ATXN7L2: variants seen among roughly 807,000 people sequenced by gnomAD.
The protein encoded by ATXN7L2 is ataxin 7 like 2, also known as ataxin-7-like protein 2.
A neutral mutation model predicts 59.6 loss-of-function variants in ATXN7L2; 17 were observed. The observed-to-expected ratio is 0.29, with a 90% CI of 0.20 to 0.43. The LOEUF (loss-of-function observed/expected upper bound fraction) is 0.43. ATXN7L2 is among the 20% of genes least tolerant of loss of function. The pLI, the probability that ATXN7L2 is intolerant of heterozygous loss-of-function variation, is 1.00. For synonymous variants in ATXN7L2, 378 were observed against 392.5 expected (o/e 0.96, Z 0.44); for missense variants, 858 against 1,008.9 (o/e 0.85, Z 2.03).
rs775441960 is a variant in ATXN7L2, at chr1:109,491,065, C to A, written c.1598C>A (p.Thr533Asn). 1 of 1,613,708 alleles carries A rather than the reference C, an allele frequency of 6.2e-7. No individual in the cohort carries two copies. The highest frequency in any genetic ancestry group is 1.1e-5 in the South Asian group (1 of 91,074). ...GCCTGCCCAGCCTCCATGCCCCCCA[C>A]CAAGGACAACCTTGTCCCCAGCTAC... ...RPACPASMPP[T>N]KDNLVPSYPA... The change falls in exon 10 of 11, where the codon ACC (threonine) becomes AAC (asparagine). Residue 533 changes from threonine (T) to asparagine (N), a missense_variant. Transcript: ENST00000683729. This position sits in a 1 kb window ranked among gnomAD's most constrained non-coding sequence, Gnocchi z 4.1.
Position 109,487,705 on chromosome 1 carries a change from A to G in ATXN7L2, c.697A>G (p.Ile233Val), listed in dbSNP as rs1557869583. 1 of 1,613,584 alleles carries G rather than the reference A, an allele frequency of 6.2e-7. No homozygotes were observed. Among genetic ancestry groups the G allele is most frequent in the Non-Finnish European group, 8.5e-7 (1 of 1,179,802 alleles). ...TCCTGGCAGAGAGAACATCGAGATCATCCCCAGTGAGGGGTCCAGTCACTG... is the reference window on the plus strand; with the variant it reads ...TCCTGGCAGAGAGAACATCGAGATCGTCCCCAGTGAGGGGTCCAGTCACTG... ...EPPGRENIEI[I>V]PSEGSSHWAE... is the part of the protein sequence containing the mutation. Residue 233 changes from isoleucine to valine, a missense_variant, in exon 5 of 11, where the codon ATC becomes GTC. This residue lies in a region of ATXN7L2 where 734 missense variants were observed against 862.3 expected (regional missense o/e 0.85). Transcript: ENST00000683729.
Position 109,483,913 on chromosome 1 carries a change from C to CGCG in ATXN7L2, c.-31_-29dup, listed in dbSNP as rs1656365586. ...CGACGGGGCGAGGGGGAGGGGGCCGCGCGGCGGCGGCGCCAGGGCGGGCGC... is the reference window on the plus strand; with the variant it reads ...CGACGGGGCGAGGGGGAGGGGGCCGCGCGGCGGCGGCGGCGCCAGGGCGGGCGC... On this transcript the variant is annotated 5_prime_UTR_variant, in exon 1 of 11. Transcript: ENST00000683729. The CGCG allele has an allele frequency of 2.6e-6, 3 of 1,161,130 alleles. No individual in the cohort carries two copies. The highest frequency in any genetic ancestry group is 4.7e-5 in the Admixed American group (1 of 21,090). The allele number at this position is 1,161,130 out of a possible 1,614,324, so 71.9% of individuals were successfully genotyped here. A position where few individuals can be genotyped will look rare whatever the true frequency, so the allele number is the denominator to read the frequency against.
In ATXN7L2 at chr1:109,489,941, C is replaced by T; in HGVS notation, c.1145C>T (p.Ser382Phe). The T allele has an allele frequency of 6.2e-7, 1 of 1,613,628 alleles. No homozygotes were observed. ...TTTGGCCCTTCCAGGTCCCGGGCCT[C>T]CTCCGAGAGTGAATTGGATGATGAA... ...PYCALPRSRA[S>F]SESELDDEGP... Residue 382 changes from serine to phenylalanine, a missense_variant, in exon 8 of 11, where the codon TCC becomes TTC. Around this residue, in one of 3 missense-constraint regions of ATXN7L2, gnomAD observed 734 missense variants for 862.3 expected, o/e 0.85. Coordinates refer to ENST00000683729, the MANE Select transcript of ATXN7L2 (RefSeq NM_001350175.2).
Position 109,487,215 on chromosome 1 carries a change from C to G in ATXN7L2, c.507C>G (p.Leu169=). ...CTGAGAAGACCCAGAAGGACAACCT[C>G]TGGTAAGGAGAGGCTGGAAACTTTC... ...QPPEKTQKDN[L]CLFVPVVNLE... is the part of the protein sequence containing the mutation. The change falls in exon 4 of 11, where the codon CTC becomes CTG. Residue 169 remains leucine (L), a splice_region_variant and synonymous_variant. Transcript: ENST00000683729. 6.5e-7 allele frequency: 1 copy of G among 1,542,008 alleles called. No homozygotes were observed. The highest frequency in any genetic ancestry group is 8.7e-7 in the Non-Finnish European group (1 of 1,142,908).
rs1397786764 is a variant in ATXN7L2 at position 109,490,033 on chromosome 1, G to T, written c.1237G>T (p.Ala413Ser). ...CCCCATGCCCCGGGGTGGGACCCAG[G>T]CCTCCAGCGAAGAGAGTGAGGAGGA... is the stretch of plus-strand genomic sequence containing the variant. ...PFPMPRGGTQASSEESEEEGT... is the reference protein window; with the variant it reads ...PFPMPRGGTQSSSEESEEEGT... The change falls in exon 8 of 11, where the codon GCC becomes TCC. Residue 413 changes from alanine to serine, a missense_variant. By Grantham distance (99) the Ala-to-Ser change is moderately conservative. Coordinates refer to ENST00000683729, the MANE Select transcript of ATXN7L2 (RefSeq NM_001350175.2). 6.2e-7 allele frequency: 1 copy of T among 1,612,432 alleles called. No homozygotes were observed. The highest frequency in any genetic ancestry group is 8.5e-7 in the Non-Finnish European group (1 of 1,179,342).
At chr1:109,490,528 T>C in intron 9 of ATXN7L2, 136 bp downstream of exon 9, 2 of 1,292,560 alleles carry the variant, frequency 1.5e-6, no homozygotes, top group Non-Finnish European at 2.1e-6. Flanking sequence ...GGACCCCAGA[T>C]AGGGAGTAGC....
intron 9 of ATXN7L2, 64 bp downstream of exon 9, chr1:109,490,456 G>A: frequency 6.3e-7 from 1 of 1,579,380 alleles, no homozygotes; most frequent in Non-Finnish European, 8.6e-7. Context: ...AGACATACTT[G>A]GGCTTCAGAA....
intron 1 of ATXN7L2, 22 bp downstream of exon 1, chr1:109,484,102 T>C: frequency 6.7e-7 from 1 of 1,485,572 alleles, no homozygotes; most frequent in Non-Finnish European, 9.0e-7. Context: ...CACCCTAAAG[T>C]CCGGGGACCC....
chr1:109,491,256 G>T lies in ATXN7L2; in HGVS notation c.1789G>T (p.Val597Leu). 1.9e-6 allele frequency: 3 copies of T among 1,614,248 alleles called. No individual in the cohort carries two copies. Among genetic ancestry groups the T allele is most frequent in the Non-Finnish European group, 2.5e-6 (3 of 1,180,058 alleles). The change falls in exon 10 of 11, where the codon GTG becomes TTG. Residue 597 changes from valine (V) to leucine (L), a missense_variant. Physicochemically the swap from Val to Leu is conservative, Grantham distance 32. This residue lies in a region of ATXN7L2 where 734 missense variants were observed against 862.3 expected (regional missense o/e 0.85). Coordinates refer to ENST00000683729, the MANE Select transcript of ATXN7L2 (RefSeq NM_001350175.2). This position sits in a 1 kb window ranked among gnomAD's most constrained non-coding sequence, Gnocchi z 4.1. ...KSSKGKDGVE[V>L]EAPSRKRKLS... ...ATCCAAAGGCAAGGACGGGGTGGAG[G>T]TGGAGGCCCCTTCTCGAAAGCGGAA...
At position 109,490,945 on chromosome 1, in the gene ATXN7L2, C is replaced by T. The variant is rs780796497; in HGVS notation, c.1478C>T (p.Pro493Leu). ...AGGAAGATCCCACCGGCAGCTGAAC[C>T]TCCAGCTCACCTTGTCAACTCCCCG... ...MWKKIPPAAE[P>L]PAHLVNSPLS... The change falls in exon 10 of 11, where the codon CCT becomes CTT. Residue 493 changes from proline to leucine, a missense_variant. Transcript: ENST00000683729. The T allele has an allele frequency of 2.6e-6, 4 of 1,566,408 alleles. No homozygotes were observed. In the Admixed American group the frequency reaches 5.7e-5, roughly 22 times the overall value.
At chr1:109,489,902 C>T (rs138073319) in intron 7 of ATXN7L2, 28 bp from the exon 8 acceptor site, 1 of 1,611,568 alleles carries the variant, frequency 6.2e-7, no homozygotes, top group East Asian at 2.2e-5. Context: ...CAGTCACATT[C>T]CCCTGGCATC....
chr1:109,487,931 G>A, intron 5 of ATXN7L2, 127 bp downstream of exon 5: 2 of 1,150,990 alleles, frequency 1.7e-6, no homozygotes, highest in South Asian at 3.4e-5. Flanking sequence ...TAGGGTATAG[G>A]AGCCCCGTCA....
At chr1:109,485,400 C>A (rs1656508495) in intron 1 of ATXN7L2, 2 of 985,442 alleles carry the variant, frequency 2.0e-6, no homozygotes, top group South Asian at 9.4e-5. Context: ...CATAGCTGAC[C>A]AAGGAGACTT....
chr1:109,490,008 C>A lies in ATXN7L2; in HGVS notation c.1212C>A (p.Phe404Leu), dbSNP rs1423670203. ...GGDGDPGLFP[F>L]PMPRGGTQAS... ...ATGGGGACCCAGGCCTGTTCCCCTT[C>A]CCCATGCCCCGGGGTGGGACCCAGG... The change falls in exon 8 of 11, where the codon TTC becomes TTA. Residue 404 changes from phenylalanine (F) to leucine (L), a missense_variant. Phe to Leu is a conservative substitution (Grantham distance 22). Transcript: ENST00000683729. 9 of 1,613,266 alleles carry A rather than the reference C, an allele frequency of 5.6e-6. No homozygotes were observed. The highest frequency in any genetic ancestry group is 1.7e-5 in the Admixed American group (1 of 59,844).
intron 1 of ATXN7L2, 109 bp downstream of exon 1, chr1:109,484,189 C>A: frequency 8.7e-7 from 1 of 1,145,418 alleles, no homozygotes; most frequent in East Asian, 3.5e-5. Context: ...CGTCCGGCTC[C>A]CCGGCCCCCC....
Position 109,491,536 on chromosome 1 carries a change from T to G in ATXN7L2, c.2069T>G (p.Leu690Arg). Residue 690 changes from leucine (L) to arginine (R), a missense_variant, in exon 10 of 11, where the codon CTG (leucine) becomes CGG (arginine). By Grantham distance (102) the Leu-to-Arg change is moderately radical. Coordinates refer to ENST00000683729, the MANE Select transcript of ATXN7L2 (RefSeq NM_001350175.2). This position sits in a 1 kb window ranked among gnomAD's most constrained non-coding sequence, Gnocchi z 4.1. ...GCAGCTGGACACCCAGCCAAGGCCC[T>G]GCCAACCAACTGCCTCTCTGAGGAG... is the stretch of plus-strand genomic sequence containing the variant. The part of the protein sequence containing the change: ...RGAAGHPAKA[L>R]PTNCLSEEEV... 1 of 1,613,974 alleles carries G rather than the reference T, an allele frequency of 6.2e-7. No individual in the cohort carries two copies. The highest frequency in any genetic ancestry group is 1.7e-4 in the Middle Eastern group (1 of 6,060).
intron 7 of ATXN7L2, 21 bp from the exon 8 acceptor site, chr1:109,489,909 C>A: frequency 1.2e-6 from 2 of 1,612,424 alleles, no homozygotes; most frequent in Non-Finnish European, 1.7e-6. Context: ...ATTCCCCTGG[C>A]ATCCCTTTTG....
rs780334038 is a variant in ATXN7L2, at chr1:109,486,054, T to A, written c.128-3T>A. On this transcript the variant is annotated splice_polypyrimidine_tract_variant and splice_region_variant and intron_variant, in intron 1 of 10. Coordinates refer to ENST00000683729, the MANE Select transcript of ATXN7L2 (RefSeq NM_001350175.2). The surrounding 1 kb of genome is among the most constrained non-coding windows in gnomAD (Gnocchi z 4.3). ...ACCCTTCTGAGCTGTGTTTCTCCTCTAGGGGCTGAGCTGGAGGAGAGTAGC... is the reference window on the plus strand; with the variant it reads ...ACCCTTCTGAGCTGTGTTTCTCCTCAAGGGGCTGAGCTGGAGGAGAGTAGC... 1 of 1,585,420 alleles carries A rather than the reference T, an allele frequency of 6.3e-7. No individual in the cohort carries two copies. Among genetic ancestry groups the A allele is most frequent in the Non-Finnish European group, 8.6e-7 (1 of 1,168,906 alleles).
rs771147831 is a variant in ATXN7L2, at chr1:109,489,987, G to A, written c.1191G>A (p.Gly397=). 6.2e-7 allele frequency: 1 copy of A among 1,613,754 alleles called. No individual in the cohort carries two copies. Among genetic ancestry groups the A allele is most frequent in the African/African-American group, 1.3e-5 (1 of 74,960 alleles). Reference sequence around the variant, plus strand: ...ATGAAGGCCCCTGTGGTGGTGATGGGGACCCAGGCCTGTTCCCCTTCCCCA... The same window carrying A: ...ATGAAGGCCCCTGTGGTGGTGATGGAGACCCAGGCCTGTTCCCCTTCCCCA... ...LDDEGPCGGD[G]DPGLFPFPMP... Residue 397 remains glycine, a synonymous_variant, in exon 8 of 11, where the codon GGG becomes GGA. Coordinates refer to ENST00000683729, the MANE Select transcript of ATXN7L2 (RefSeq NM_001350175.2).
Sources: allele counts gnomAD v4.1 joint callset, GRCh38; gene constraint gnomAD v4.1.1; regional missense constraint gnomAD v4.1.1; non-coding constraint Gnocchi (gnomAD v3.1); transcripts MANE v1.5; gene names NCBI Gene and HGNC (gene_info 2026-07-23, HGNC 2026-07-21).